The following ZFHX4 variants were observed in gnomAD, a reference collection of about 807,000 sequenced individuals.
ZFHX4 encodes the protein zinc finger homeobox protein 4.
ZFHX4 carries 56 observed loss-of-function variants against 267.6 expected under a neutral mutation model. The observed-to-expected ratio is 0.21, with a 90% CI of 0.17 to 0.26. The LOEUF (loss-of-function observed/expected upper bound fraction) is 0.26, where lower values mean the gene tolerates loss of function less well. ZFHX4 is among the 10% of genes least tolerant of loss of function. The pLI, the probability that ZFHX4 is intolerant of heterozygous loss-of-function variation, is 1.00. For missense variants in ZFHX4, 4,332 were observed against 4,420.0 expected, an observed-to-expected ratio of 0.98 and a Z score of 0.56; for synonymous variants, 1,778 against 1,665.6, an observed-to-expected ratio of 1.07 and a Z score of -1.64.
Position 76,773,500 on chromosome 8 carries a change from G to A in ZFHX4, c.3094-4708G>A, listed in dbSNP as rs149035798. On this transcript the variant is annotated intron_variant, in intron 3 of 10. Transcript: ENST00000651372. ...TTTTAAGTGCTTATTTTATTCTAGC[G>A]CTTTGACAGGTGGTTTGGAAGTGAA... 5.2e-3 allele frequency among the ~76,000 whole-genome samples: 798 copies of A among 152,120 alleles called. 6 individuals carry two copies. Among genetic ancestry groups the A allele is most frequent in the African/African-American group, 0.014 (576 of 41,524 alleles).
chr8:76,736,199 G>T (rs1809154872), intron 3 of ZFHX4, among the ~76,000 whole-genome samples: 1 of 151,482 alleles, frequency 6.6e-6, no homozygotes, highest in South Asian at 2.1e-4. Context: ...ATCAAGGGAA[G>T]TGGCATGTAT....
At chr8:76,758,590 G>T (rs1406015094) in intron 3 of ZFHX4, among the ~76,000 whole-genome samples, 2 of 152,124 alleles carry the variant, frequency 1.3e-5, no homozygotes, top group Non-Finnish European at 2.9e-5. Flanking sequence ...GACCTCCCAG[G>T]CTTTAGCAAT....
chr8:76,744,871 T>C (rs1809417689), intron 3 of ZFHX4, among the ~76,000 whole-genome samples: 2 of 152,184 alleles, frequency 1.3e-5, no homozygotes, highest in African/African-American at 4.8e-5. Context: ...ATACGTCCTG[T>C]GCTTTCCTAA....
chr8:76,746,051 C>T (rs550116966), intron 3 of ZFHX4, among the ~76,000 whole-genome samples: 7 of 152,242 alleles, frequency 4.6e-5, no homozygotes, highest in Middle Eastern at 3.4e-3. Context: ...TGTCGGTTCT[C>T]AGGGAACTTT....
At chr8:76,825,125 A>G (rs546911957) in intron 4 of ZFHX4, among the ~76,000 whole-genome samples, 2 of 152,334 alleles carry the variant, frequency 1.3e-5, no homozygotes, top group East Asian at 3.9e-4. Context: ...TACAATCTAA[A>G]AAGCCATAGT....
At chr8:76,788,228 C>T (rs1300601955) in intron 4 of ZFHX4, among the ~76,000 whole-genome samples, 1 of 152,160 alleles carries the variant, frequency 6.6e-6, no homozygotes. Flanking sequence ...ATAGTCTTCT[C>T]ACATTCTTTA....
At position 76,764,183 on chromosome 8, in the gene ZFHX4, A is replaced by G. The variant is rs147108127; in HGVS notation, c.3094-14025A>G. Among the ~76,000 whole-genome samples the G allele has an allele frequency of 5.5e-3, 835 of 152,310 alleles. 12 individuals carry two copies. The highest frequency in any genetic ancestry group is 0.019 in the African/African-American group (785 of 41,566). ...AATACAAACTTGATTTAAATACTGT[A>G]AGCAGTTTCTCAAAGGAAATTGCCA... On this transcript the variant is annotated intron_variant, in intron 3 of 10. Transcript: ENST00000651372.
chr8:76,864,235 T>C lies in ZFHX4; in HGVS notation c.10521T>C (p.Ser3507=). 6.2e-7 allele frequency: 1 copy of C among 1,613,946 alleles called. No homozygotes were observed. The highest frequency in any genetic ancestry group is 2.2e-5 in the East Asian group (1 of 44,868). The change falls in exon 11 of 11, where the codon TCT becomes TCC. Residue 3507 remains serine (S), a synonymous_variant. Transcript: ENST00000651372. The part of the protein sequence containing the change: ...PNPNTTSTSQ[S]AASSNNTYPH... Reference sequence around the variant, plus strand: ...CTAACACCACATCTACCTCGCAGTCTGCAGCTTCTTCTAATAACACCTATC... The same window carrying C: ...CTAACACCACATCTACCTCGCAGTCCGCAGCTTCTTCTAATAACACCTATC...
intron 4 of ZFHX4, among the ~76,000 whole-genome samples, chr8:76,781,365 A>C (rs558258217): frequency 6.6e-6 from 1 of 152,096 alleles, no homozygotes; most frequent in Admixed American, 6.6e-5. Flanking sequence ...TTAAGAATAG[A>C]AAGTTCCCTT....
chr8:76,845,326 C>T (rs1195508125), intron 6 of ZFHX4, among the ~76,000 whole-genome samples: 2 of 151,938 alleles, frequency 1.3e-5, no homozygotes, highest in African/African-American at 2.4e-5. Context: ...CTGTGCAGTA[C>T]AAGAATTAAT....
At position 76,864,575 on chromosome 8, in the gene ZFHX4, C is replaced by A; in HGVS notation, c.*10C>A. On this transcript the variant is annotated 3_prime_UTR_variant, in exon 11 of 11. Transcript: ENST00000651372. ...TATGTTCAGTGTGTAGGAGTGAAGA[C>A]AGGATCCCGTGCTTAAAAAAATAAA... 1 of 1,461,664 alleles carries A rather than the reference C, an allele frequency of 6.8e-7. No homozygotes were observed. Among genetic ancestry groups the A allele is most frequent in the Non-Finnish European group, 9.1e-7 (1 of 1,095,590 alleles). The allele number at this position is 1,461,664 out of a possible 1,614,324, so 90.5% of individuals were successfully genotyped here.
intron 3 of ZFHX4, among the ~76,000 whole-genome samples, chr8:76,748,998 A>G (rs2131702128): frequency 6.6e-6 from 1 of 152,352 alleles, no homozygotes; most frequent in African/African-American, 2.4e-5. Context: ...TAAAGTTGGC[A>G]AATTGCTATC....
chr8:76,705,902 G>A lies in ZFHX4; in HGVS notation c.1814G>A (p.Gly605Glu). The A allele has an allele frequency of 6.2e-7, 1 of 1,613,712 alleles. No individual in the cohort carries two copies. The highest frequency in any genetic ancestry group is 8.5e-7 in the Non-Finnish European group (1 of 1,179,848). Residue 605 changes from glycine to glutamate, a missense_variant, in exon 2 of 11, where the codon GGA (glycine) becomes GAA (glutamate). Physicochemically the swap from Gly to Glu is moderately conservative, Grantham distance 98. Transcript: ENST00000651372. ...PSTPGTPGPG[G>E]DGSPGSGIEC... Reference sequence around the variant, plus strand: ...ACTCCTGGCACACCAGGGCCTGGAGGAGACGGCTCACCGGGCAGTGGCATC... The same window carrying A: ...ACTCCTGGCACACCAGGGCCTGGAGAAGACGGCTCACCGGGCAGTGGCATC...
chr8:76,740,786 A>T (rs1224540277), intron 3 of ZFHX4, among the ~76,000 whole-genome samples: 1 of 152,162 alleles, frequency 6.6e-6, no homozygotes, highest in Non-Finnish European at 1.5e-5. Flanking sequence ...TATTTGAGGG[A>T]GGCAGTTGTG....
chr8:76,688,832 C>T (rs1353697706), intron 1 of ZFHX4, among the ~76,000 whole-genome samples: 3 of 152,114 alleles, frequency 2.0e-5, no homozygotes, highest in Non-Finnish European at 4.4e-5. Flanking sequence ...TAGAAGATCT[C>T]ATCAGATATT....
chr8:76,863,219 C>T lies in ZFHX4; in HGVS notation c.9505C>T (p.Pro3169Ser). ...GACTCCACCACCTCCACCACCTCCT[C>T]CTCCTCCTCCTCCTTCATCCTCTCT... ...LQTPPPPPPP[P>S]PPPPSSSLSG... Residue 3169 changes from proline to serine, a missense_variant, in exon 11 of 11, where the codon CCT (proline) becomes TCT (serine). Physicochemically the swap from Pro to Ser is moderately conservative, Grantham distance 74. This residue lies in a region of ZFHX4 where 1,648 missense variants were observed against 1,625.0 expected (regional missense o/e 1.01). Coordinates refer to ENST00000651372, the MANE Select transcript of ZFHX4 (RefSeq NM_024721.5). The T allele has an allele frequency of 6.3e-7, 1 of 1,580,216 alleles. No individual in the cohort carries two copies. Among genetic ancestry groups the T allele is most frequent in the Non-Finnish European group, 8.6e-7 (1 of 1,162,636 alleles).
chr8:76,793,302 C>T (rs1810888640), intron 4 of ZFHX4, among the ~76,000 whole-genome samples: 1 of 149,194 alleles, frequency 6.7e-6, no homozygotes, highest in Non-Finnish European at 1.5e-5. Flanking sequence ...CAGGCGTTCT[C>T]AAATATATGT....
Position 76,705,647 on chromosome 8 carries a change from A to G in ZFHX4, c.1559A>G (p.Lys520Arg), listed in dbSNP as rs184128614. 1.2e-6 allele frequency: 2 copies of G among 1,613,928 alleles called. No individual in the cohort carries two copies. Among genetic ancestry groups the G allele is most frequent in the African/African-American group, 2.7e-5 (2 of 75,036 alleles). The change falls in exon 2 of 11, where the codon AAG (lysine) becomes AGG (arginine). Residue 520 changes from lysine (K) to arginine (R), a missense_variant. Lys to Arg is a conservative substitution (Grantham distance 26, BLOSUM62 2). This residue lies in a region of ZFHX4 where 1,195 missense variants were observed against 1,173.6 expected (regional missense o/e 1.02). Coordinates refer to ENST00000651372, the MANE Select transcript of ZFHX4 (RefSeq NM_024721.5). Reference sequence around the variant, plus strand: ...TCCAGTGTGCTAAAATTTATTGAAAAGGGTACCTCGTCCTCCTCGGCGACT... The same window carrying G: ...TCCAGTGTGCTAAAATTTATTGAAAGGGGTACCTCGTCCTCCTCGGCGACT... ...LSSSVLKFIE[K>R]GTSSSSATVS...
intron 3 of ZFHX4, among the ~76,000 whole-genome samples, chr8:76,730,465 C>T (rs1313408436): frequency 6.6e-6 from 1 of 152,126 alleles, no homozygotes; most frequent in African/African-American, 2.4e-5. Context: ...CTTTGGGAAG[C>T]TGAGGCAGGT....
Sources: allele counts gnomAD v4.1 joint callset (sites outside exome capture counted in the v4.1 genomes callset), GRCh38; gene constraint gnomAD v4.1.1; regional missense constraint gnomAD v4.1.1; transcripts MANE v1.5; gene names NCBI Gene and HGNC (gene_info 2026-07-23, HGNC 2026-07-21).